The following PCDHGA3 variants were observed in gnomAD, a reference collection of about 807,000 sequenced individuals.
The protein encoded by PCDHGA3 is protocadherin gamma-A3.
A neutral mutation model predicts 58.5 loss-of-function variants in PCDHGA3; 40 were observed. The observed-to-expected ratio is 0.68, with a 90% CI of 0.53 to 0.89. The LOEUF (loss-of-function observed/expected upper bound fraction) is 0.89. PCDHGA3 is among the 40% of genes least tolerant of loss of function. The probability of loss-of-function intolerance (pLI) is 0.00; values close to 1 mark genes in which losing one functional copy is unlikely to be tolerated. For synonymous variants in PCDHGA3, 530 were observed against 525.7 expected (o/e 1.01, Z -0.11); for missense variants, 1,223 against 1,195.9 (o/e 1.02, Z -0.33).
At chr5:141,361,167 A>C in intron 1 of PCDHGA3, 1 of 1,613,990 alleles carries the variant, frequency 6.2e-7, no homozygotes, top group South Asian at 1.1e-5. Context: ...ACGATTGTGC[A>C]CCTGAAGTTA....
intron 2 of PCDHGA3, among the ~76,000 whole-genome samples, chr5:141,504,422 T>G (rs1375202110): frequency 6.6e-6 from 1 of 152,078 alleles, no homozygotes; most frequent in Admixed American, 6.6e-5. Context: ...AGACAGGCAC[T>G]ACAACAGCTG....
At chr5:141,370,057 C>G (rs180898728) in intron 1 of PCDHGA3, among the ~76,000 whole-genome samples, 1 of 152,268 alleles carries the variant, frequency 6.6e-6, no homozygotes, top group East Asian at 1.9e-4. Flanking sequence ...TTTAAAAGTC[C>G]TTTTAAAATG....
In PCDHGA3 at chr5:141,476,316, G is replaced by A. The variant is rs536532455; in HGVS notation, c.2425-18491G>A. On this transcript the variant is annotated intron_variant, in intron 1 of 3. Coordinates refer to ENST00000253812, the MANE Select transcript of PCDHGA3 (RefSeq NM_018916.4). This position sits in a 1 kb window ranked among gnomAD's most constrained non-coding sequence, Gnocchi z 7.6. ...GGTAGCCTCTCAGCCCGCAGGTTCC[G>A]GGTGGTGTCTGGAGCTAGCCGAAGA... is the stretch of plus-strand genomic sequence containing the variant. The A allele has an allele frequency of 6.2e-7, 1 of 1,614,176 alleles. No individual in the cohort carries two copies. The highest frequency in any genetic ancestry group is 1.7e-5 in the Admixed American group (1 of 60,028).
chr5:141,385,126 A>G lies in PCDHGA3; in HGVS notation c.2424+38669A>G. The G allele has an allele frequency of 6.2e-7, 1 of 1,614,206 alleles. No individual in the cohort carries two copies. The highest frequency in any genetic ancestry group is 1.1e-5 in the South Asian group (1 of 91,090). On this transcript the variant is annotated intron_variant, in intron 1 of 3. Coordinates refer to ENST00000253812, the MANE Select transcript of PCDHGA3 (RefSeq NM_018916.4). Reference sequence around the variant, plus strand: ...CGTGCCCACCTCGCACTTTGTGGGCATGGACGGGGTGCAGGCTTTCCTGCA... The same window carrying G: ...CGTGCCCACCTCGCACTTTGTGGGCGTGGACGGGGTGCAGGCTTTCCTGCA...
intron 1 of PCDHGA3, chr5:141,423,309 G>T (rs1401836240): frequency 6.2e-7 from 1 of 1,614,176 alleles, no homozygotes; most frequent in South Asian, 1.1e-5. Context: ...CGCTGTACTT[G>T]GTGGTGGCGG....
intron 1 of PCDHGA3, among the ~76,000 whole-genome samples, chr5:141,463,725 C>A (rs1259646105): frequency 6.6e-6 from 1 of 152,026 alleles, no homozygotes. Flanking sequence ...GGATTACAGG[C>A]ATGAGCCACC....
Position 141,431,612 on chromosome 5 carries a change from G to T in PCDHGA3, c.2425-63195G>T, listed in dbSNP as rs79883194. 6.2e-7 allele frequency: 1 copy of T among 1,614,244 alleles called. No homozygotes were observed. The highest frequency in any genetic ancestry group is 2.2e-5 in the East Asian group (1 of 44,880). Reference sequence around the variant, plus strand: ...AGTGAGGTATTCCTTCCGGTATGTGGACGACAAGGCGGCCCAAGTTTTCAA... The same window carrying T: ...AGTGAGGTATTCCTTCCGGTATGTGTACGACAAGGCGGCCCAAGTTTTCAA... On this transcript the variant is annotated intron_variant, in intron 1 of 3. Transcript: ENST00000253812. The surrounding 1 kb of genome is among the most constrained non-coding windows in gnomAD (Gnocchi z 4.8).
chr5:141,401,017 T>C (rs2094103677), intron 1 of PCDHGA3, among the ~76,000 whole-genome samples: 3 of 152,226 alleles, frequency 2.0e-5, no homozygotes, highest in Admixed American at 2.0e-4. Context: ...AATGGATTTA[T>C]GATTTTTTGA....
intron 3 of PCDHGA3, among the ~76,000 whole-genome samples, chr5:141,507,802 T>G (rs886950696): frequency 6.6e-6 from 1 of 152,204 alleles, no homozygotes; most frequent in African/African-American, 2.4e-5. Context: ...GCCTGCGCCC[T>G]GGGGAACGGA....
intron 1 of PCDHGA3, chr5:141,392,935 A>G: frequency 1.2e-6 from 2 of 1,613,932 alleles, no homozygotes; most frequent in Non-Finnish European, 1.7e-6. Flanking sequence ...GAGACGGACA[A>G]AGGCTCCTTC....
Position 141,345,601 on chromosome 5 carries a change from A to T in PCDHGA3, c.1568A>T (p.Glu523Val). The change falls in exon 1 of 4, where the codon GAG (glutamate) becomes GTG (valine). Residue 523 changes from glutamate (E) to valine (V), a missense_variant. Physicochemically the swap from Glu to Val is moderately radical, Grantham distance 121. Around this residue, in one of 3 missense-constraint regions of PCDHGA3, gnomAD observed 791 missense variants for 708.5 expected, o/e 1.12. Coordinates refer to ENST00000253812, the MANE Select transcript of PCDHGA3 (RefSeq NM_018916.4). ...TACGCGCTGAGATCCTTCGACTACGAGCAATTTAGAGACTTAAAGCTACTG... is the reference window on the plus strand; with the variant it reads ...TACGCGCTGAGATCCTTCGACTACGTGCAATTTAGAGACTTAAAGCTACTG... ...VLYALRSFDY[E>V]QFRDLKLLVT... is the part of the protein sequence containing the mutation. The T allele has an allele frequency of 6.2e-7, 1 of 1,614,096 alleles. No individual in the cohort carries two copies. Among genetic ancestry groups the T allele is most frequent in the South Asian group, 1.1e-5 (1 of 91,074 alleles).
At chr5:141,478,339 C>A in intron 1 of PCDHGA3, 1 of 1,613,918 alleles carries the variant, frequency 6.2e-7, no homozygotes, top group Admixed American at 1.7e-5. Flanking sequence ...CAGGGCCCTC[C>A]TTGCACGCGG....
chr5:141,374,122 G>C, intron 1 of PCDHGA3: 5 of 1,597,596 alleles, frequency 3.1e-6, no homozygotes, highest in Non-Finnish European at 4.3e-6. Context: ...GCAGCGAGCA[G>C]GTCCTGCTCC....
chr5:141,350,958 A>C (rs777439869), intron 1 of PCDHGA3: 1 of 1,614,096 alleles, frequency 6.2e-7, no homozygotes, highest in Non-Finnish European at 8.5e-7. Context: ...ACGGATGCCA[A>C]TGATAATGCT....
intron 2 of PCDHGA3, among the ~76,000 whole-genome samples, chr5:141,500,254 G>A (rs1260325865): frequency 1.3e-5 from 2 of 150,426 alleles, no homozygotes; most frequent in Non-Finnish European, 3.0e-5. Context: ...TGTCACCCAG[G>A]CTGGACTGCA....
intron 1 of PCDHGA3, chr5:141,394,624 T>C (rs542816387): frequency 6.2e-7 from 1 of 1,613,110 alleles, no homozygotes; most frequent in African/African-American, 1.3e-5. Flanking sequence ...AACGCCTGGC[T>C]GTCCTACCGC....
intron 1 of PCDHGA3, chr5:141,402,809 C>A: frequency 4.9e-6 from 6 of 1,214,046 alleles, no homozygotes; most frequent in Non-Finnish European, 6.6e-6. Flanking sequence ...CCGGCAGATA[C>A]CACAAACCTG....
chr5:141,485,118 G>C lies in PCDHGA3; in HGVS notation c.2425-9689G>C, dbSNP rs547390669. 1 of 1,331,536 alleles carries C rather than the reference G, an allele frequency of 7.5e-7. No homozygotes were observed. Among genetic ancestry groups the C allele is most frequent in the East Asian group, 2.3e-5 (1 of 43,534 alleles). The allele number at this position is 1,331,536 out of a possible 1,614,324, so 82.5% of individuals were successfully genotyped here. On this transcript the variant is annotated intron_variant, in intron 1 of 3. Coordinates refer to ENST00000253812, the MANE Select transcript of PCDHGA3 (RefSeq NM_018916.4). The surrounding 1 kb of genome is among the most constrained non-coding windows in gnomAD (Gnocchi z 5.7). ...TCTCCAGCTGCTGTGGCTGTTTGGG[G>C]CGGGTCGGCTTCATCCGCGTCTCAG...
intron 1 of PCDHGA3, among the ~76,000 whole-genome samples, chr5:141,380,738 A>G (rs1282676783): frequency 6.6e-6 from 1 of 152,220 alleles, no homozygotes; most frequent in Non-Finnish European, 1.5e-5. Context: ...CTTTTCTCCA[A>G]AGAAGGTACC....
Sources: allele counts gnomAD v4.1 joint callset (sites outside exome capture counted in the v4.1 genomes callset), GRCh38; gene constraint gnomAD v4.1.1; regional missense constraint gnomAD v4.1.1; non-coding constraint Gnocchi (gnomAD v3.1); transcripts MANE v1.5; gene names NCBI Gene and HGNC (gene_info 2026-07-23, HGNC 2026-07-21).